Variants in RBCK1 observed in about 807,000 individuals in gnomAD.
RBCK1 encodes RANBP2-type and C3HC4-type zinc finger containing 1.
In RBCK1, 44 loss-of-function variants were observed where a neutral mutation model predicts 71.1. The ratio of observed to expected loss-of-function variants is 0.62; its 90% CI spans 0.49 to 0.80. The LOEUF is 0.80. Ranked by LOEUF, RBCK1 falls within the 30% of genes least tolerant of loss-of-function variation. The probability of loss-of-function intolerance (pLI) is 0.00; values close to 1 mark genes in which losing one functional copy is unlikely to be tolerated. For missense variants in RBCK1, 569 were observed against 685.0 expected, an observed-to-expected ratio of 0.83 and a Z score of 1.89; for synonymous variants, 306 against 279.7, an observed-to-expected ratio of 1.09 and a Z score of -0.94.
At chr20:424,179 G>A (rs976591957) in intron 8 of RBCK1, among the ~76,000 whole-genome samples, 11 of 152,208 alleles carry the variant, frequency 7.2e-5, no homozygotes, top group Non-Finnish European at 1.3e-4. Context: ...TGTGCTTGCC[G>A]CTGGCGCTCT....
In RBCK1 at chr20:428,750, C is replaced by G; in HGVS notation, c.1308+161C>G. On this transcript the variant is annotated intron_variant, in intron 10 of 11. Transcript: ENST00000356286. The surrounding 1 kb of genome is among the most constrained non-coding windows in gnomAD (Gnocchi z 5.7). ...GGAGGTGGGACTTAGGCCGAATGGT[C>G]ATGTCAGGAAGAGCGTCTGGGTGGA... 1 of 1,399,966 alleles carries G rather than the reference C, an allele frequency of 7.1e-7. No homozygotes were observed. Among genetic ancestry groups the G allele is most frequent in the Non-Finnish European group, 9.4e-7 (1 of 1,058,840 alleles). The allele number at this position is 1,399,966 out of a possible 1,614,324, so 86.7% of individuals were successfully genotyped here.
intron 6 of RBCK1, chr20:420,351 A>C: frequency 9.2e-6 from 9 of 980,186 alleles, no homozygotes; most frequent in Non-Finnish European, 1.1e-5. Flanking sequence ...CCCCATTCTG[A>C]TCTCACCCCT....
At position 428,717 on chromosome 20, in the gene RBCK1, T is replaced by A; in HGVS notation, c.1308+128T>A. The A allele has an allele frequency of 5.1e-6, 7 of 1,363,160 alleles. No individual in the cohort carries two copies. In the South Asian group the frequency reaches 1.1e-4, roughly 21 times the overall value. The allele number at this position is 1,363,160 out of a possible 1,614,324, so 84.4% of individuals were successfully genotyped here. A position where few individuals can be genotyped will look rare whatever the true frequency, so the allele number is the denominator to read the frequency against. ...CTCTGACCTCCCTTCTGGCTGTCAC[T>A]CCCATCCGGAGGTGGGACTTAGGCC... On this transcript the variant is annotated intron_variant, in intron 10 of 11. Coordinates refer to ENST00000356286, the MANE Select transcript of RBCK1 (RefSeq NM_031229.4). The surrounding 1 kb of genome is among the most constrained non-coding windows in gnomAD (Gnocchi z 5.7).
intron 2 of RBCK1, chr20:410,889 C>T: frequency 4.0e-6 from 1 of 252,290 alleles, no homozygotes; most frequent in South Asian, 6.3e-5. Context: ...TTTATCCTTA[C>T]AGTTCGACCA....
chr20:418,655 A>T (rs1274300715), intron 4 of RBCK1, among the ~76,000 whole-genome samples: 2 of 152,244 alleles, frequency 1.3e-5, no homozygotes, highest in Admixed American at 6.5e-5. Context: ...GGCGTGAGCC[A>T]CCACGCCCAA....
intron 6 of RBCK1, chr20:419,976 C>T (rs1032576597): frequency 1.0e-6 from 1 of 985,258 alleles, no homozygotes; most frequent in Non-Finnish European, 1.2e-6. Flanking sequence ...TTCACATGCC[C>T]CACTCCCACG....
rs1394794776 is a variant in RBCK1, at chr20:419,596, G to A, written c.621G>A (p.Lys207=). 1 of 1,601,192 alleles carries A rather than the reference G, an allele frequency of 6.2e-7. No homozygotes were observed. Among genetic ancestry groups the A allele is most frequent in the Non-Finnish European group, 8.5e-7 (1 of 1,174,754 alleles). ...GCCCCGGGTGCACCTTCATCAACAA[G>A]CCCACGCGGCCTGGCTGTGAGATGT... ...WQCPGCTFIN[K]PTRPGCEMCC... Residue 207 remains lysine (K), a synonymous_variant, in exon 6 of 12, where the codon AAG becomes AAA. Coordinates refer to ENST00000356286, the MANE Select transcript of RBCK1 (RefSeq NM_031229.4).
In RBCK1 at chr20:417,395, T is replaced by TTGTGTGTGTGTGTG. The variant is rs67707964; in HGVS notation, c.168-116_168-103dup. ...GGTGGGGCCTACCCCAGACTGGGGT[T>TTGTGTGTGTGTGTG]TGTGTGTGTGTGTGTGTGTGTGTGT... On this transcript the variant is annotated intron_variant, in intron 2 of 11. Coordinates refer to ENST00000356286, the MANE Select transcript of RBCK1 (RefSeq NM_031229.4). The surrounding 1 kb of genome is among the most constrained non-coding windows in gnomAD (Gnocchi z 4.7). 5.2e-5 allele frequency: 40 copies of TTGTGTGTGTGTGTG among 765,776 alleles called. No homozygotes were observed. The African/African-American group carries it at 5.9e-4, about 11-fold the overall frequency. The allele number at this position is 765,776 out of a possible 1,614,324, so 47.4% of individuals were successfully genotyped here.
chr20:408,605 G>T lies in RBCK1; in HGVS notation c.-153G>T, dbSNP rs1220927549. On this transcript the variant is annotated 5_prime_UTR_variant, in exon 1 of 12. Transcript: ENST00000356286. ...AGTGTGATGCTTCCCGACTGCCGCG[G>T]GGACAGCGAGGCACACACAGGGCTT... 1 of 914,108 alleles carries T rather than the reference G, an allele frequency of 1.1e-6. No individual in the cohort carries two copies. Among genetic ancestry groups the T allele is most frequent in the East Asian group, 2.6e-5 (1 of 37,930 alleles). The allele number at this position is 914,108 out of a possible 1,614,324, so 56.6% of individuals were successfully genotyped here.
At position 420,883 on chromosome 20, in the gene RBCK1, C is replaced by G; in HGVS notation, c.769C>G (p.Gln257Glu). The change falls in exon 7 of 12, where the codon CAG becomes GAG. Residue 257 changes from glutamine to glutamate, a missense_variant. This residue lies in a region of RBCK1 where 358 missense variants were observed against 375.6 expected (regional missense o/e 0.95). Coordinates refer to ENST00000356286, the MANE Select transcript of RBCK1 (RefSeq NM_031229.4). ...LRQYQQRKQQ[Q>E]QEGNYLQHVQ... is the part of the protein sequence containing the mutation. ...CCCGTGTGCCCAGCGGAAGCAGCAG[C>G]AGCAGGAGGGGAACTACCTGCAGCA... 1 of 1,553,648 alleles carries G rather than the reference C, an allele frequency of 6.4e-7. No homozygotes were observed. The highest frequency in any genetic ancestry group is 8.7e-7 in the Non-Finnish European group (1 of 1,151,186).
Position 417,508 on chromosome 20 carries a change from C to T in RBCK1, c.168-18C>T. On this transcript the variant is annotated intron_variant, in intron 2 of 11. Coordinates refer to ENST00000356286, the MANE Select transcript of RBCK1 (RefSeq NM_031229.4). This position sits in a 1 kb window ranked among gnomAD's most constrained non-coding sequence, Gnocchi z 4.7. ...CCCCTGGCCAGAGCCCATGCTGAGC[C>T]CCTGCTGTTCTCTGCAGGCTGTGGG... is the stretch of plus-strand genomic sequence containing the variant. The T allele has an allele frequency of 1.2e-6, 2 of 1,609,516 alleles. No individual in the cohort carries two copies. Among genetic ancestry groups the T allele is most frequent in the Non-Finnish European group, 8.5e-7 (1 of 1,177,352 alleles).
Position 417,421 on chromosome 20 carries a change from G to T in RBCK1, c.168-105G>T. On this transcript the variant is annotated intron_variant, in intron 2 of 11. Coordinates refer to ENST00000356286, the MANE Select transcript of RBCK1 (RefSeq NM_031229.4). The surrounding 1 kb of genome is among the most constrained non-coding windows in gnomAD (Gnocchi z 4.7). ...TGTGTGTGTGTGTGTGTGTGTGTGT[G>T]TGCATGGCCATGTGCCTGTGTGCAA... is the stretch of plus-strand genomic sequence containing the variant. 1 of 911,552 alleles carries T rather than the reference G, an allele frequency of 1.1e-6. No homozygotes were observed. Among genetic ancestry groups the T allele is most frequent in the Non-Finnish European group, 1.8e-6 (1 of 548,178 alleles). 56.5% of individuals were successfully genotyped at this position (911,552 alleles called of 1,614,324 possible). A position where few individuals can be genotyped will look rare whatever the true frequency, so the allele number is the denominator to read the frequency against.
At chr20:427,566 T>C in intron 9 of RBCK1, 74 bp downstream of exon 9, 1 of 1,513,452 alleles carries the variant, frequency 6.6e-7, no homozygotes, top group Non-Finnish European at 9.1e-7. Context: ...CAGTGCGTGT[T>C]CTCCTGGGAA....
chr20:430,441 G>A lies in RBCK1; in HGVS notation c.*11G>A, dbSNP rs375909448. ...CAGAACTGCCACTGAGCTAAAGATG[G>A]TGGGGCCACATGCTGACCCAGCCCC... On this transcript the variant is annotated 3_prime_UTR_variant, in exon 12 of 12. Coordinates refer to ENST00000356286, the MANE Select transcript of RBCK1 (RefSeq NM_031229.4). This position sits in a 1 kb window ranked among gnomAD's most constrained non-coding sequence, Gnocchi z 5.6. 26 of 1,601,304 alleles carry A rather than the reference G, an allele frequency of 1.6e-5. No individual in the cohort carries two copies. The highest frequency in any genetic ancestry group is 2.1e-5 in the Non-Finnish European group (25 of 1,168,358).
In RBCK1 at chr20:420,588, C is replaced by T. The variant is rs1027500463; in HGVS notation, c.757-283C>T. On this transcript the variant is annotated intron_variant, in intron 6 of 11. Transcript: ENST00000356286. ...CTGGCGCCTTCCGTGGCTACCTGGC[C>T]GGCCTCCCCTCCCTTGGCTTCCCCA... The T allele has an allele frequency of 1.7e-5, 17 of 978,110 alleles. No individual in the cohort carries two copies. In the African/African-American group the frequency reaches 2.5e-4, roughly 15 times the overall value. The allele number at this position is 978,110 out of a possible 1,614,324, so 60.6% of individuals were successfully genotyped here.
At chr20:425,161 C>T (rs181500434) in intron 8 of RBCK1, among the ~76,000 whole-genome samples, 18 of 152,310 alleles carry the variant, frequency 1.2e-4, no homozygotes, top group Non-Finnish European at 2.2e-4. Context: ...GAGGCGCACA[C>T]CGCCATGCCC....
chr20:430,697 C>CTCT lies in RBCK1; in HGVS notation c.*268_*270dup. 1.9e-6 allele frequency: 1 copy of CTCT among 519,308 alleles called. No homozygotes were observed. Among genetic ancestry groups the CTCT allele is most frequent in the South Asian group, 2.1e-5 (1 of 47,094 alleles). 32.2% of individuals were successfully genotyped at this position (519,308 alleles called of 1,614,324 possible). On this transcript the variant is annotated 3_prime_UTR_variant, in exon 12 of 12. Transcript: ENST00000356286. This position sits in a 1 kb window ranked among gnomAD's most constrained non-coding sequence, Gnocchi z 5.6. Reference sequence around the variant, plus strand: ...GGCCAGAGGCCTTGCTGGGTGGAGCCTCTGTGTGACTCCATACTCCTCCCA... The same window carrying CTCT: ...GGCCAGAGGCCTTGCTGGGTGGAGCCTCTTCTGTGTGACTCCATACTCCTCCCA...
In RBCK1 at chr20:427,373, C is replaced by T. The variant is rs144018482; in HGVS notation, c.1090C>T (p.Arg364Cys). The change falls in exon 9 of 12, where the codon CGC becomes TGC. Residue 364 changes from arginine (R) to cysteine (C), a missense_variant. Around this residue, in one of 2 missense-constraint regions of RBCK1, gnomAD observed 211 missense variants for 309.4 expected, o/e 0.68. Transcript: ENST00000356286. ...LDLGISIAEN[R>C]SAFSYHCKTP... ...CCTGGGCATCTCCATTGCTGAAAAC[C>T]GCAGTGCCTTCAGCTACCATTGCAA... 76 of 1,614,030 alleles carry T rather than the reference C, an allele frequency of 4.7e-5. No individual in the cohort carries two copies. The highest frequency in any genetic ancestry group is 5.7e-5 in the Non-Finnish European group (67 of 1,180,040).
In RBCK1 at chr20:430,249, G is replaced by T. The variant is rs1022605593; in HGVS notation, c.1453-101G>T. ...GAGGCTGACCAGGCCATTCTTGCAGGAGGACCTGCAGAGGCAAAGGCCCGG... is the reference window on the plus strand; with the variant it reads ...GAGGCTGACCAGGCCATTCTTGCAGTAGGACCTGCAGAGGCAAAGGCCCGG... On this transcript the variant is annotated intron_variant, in intron 11 of 11. Transcript: ENST00000356286. This position sits in a 1 kb window ranked among gnomAD's most constrained non-coding sequence, Gnocchi z 5.6. The T allele has an allele frequency of 3.1e-5, 32 of 1,033,194 alleles. No homozygotes were observed. Among genetic ancestry groups the T allele is most frequent in the Non-Finnish European group, 4.0e-5 (27 of 681,290 alleles). The allele number at this position is 1,033,194 out of a possible 1,614,324, so 64.0% of individuals were successfully genotyped here.
Sources: allele counts gnomAD v4.1 joint callset (sites outside exome capture counted in the v4.1 genomes callset), GRCh38; gene constraint gnomAD v4.1.1; regional missense constraint gnomAD v4.1.1; non-coding constraint Gnocchi (gnomAD v3.1); transcripts MANE v1.5; gene names NCBI Gene and HGNC (gene_info 2026-07-23, HGNC 2026-07-21).